Variants in SBNO1 observed in about 807,000 individuals in gnomAD.
SBNO1 encodes the protein protein strawberry notch homolog 1.
Under a neutral mutation model 173.6 loss-of-function variants are expected in SBNO1, and 23 were observed. The observed-to-expected ratio is 0.13, with a 90% CI of 0.10 to 0.19. The LOEUF (loss-of-function observed/expected upper bound fraction) is 0.19, where lower values mean the gene tolerates loss of function less well. Ranked by LOEUF, SBNO1 falls within the 10% of genes least tolerant of loss-of-function variation. The pLI, the probability that SBNO1 is intolerant of heterozygous loss-of-function variation, is 1.00. For synonymous variants in SBNO1, 632 were observed against 571.5 expected, an observed-to-expected ratio of 1.11 and a Z score of -1.51; for missense variants, 1,238 against 1,671.2, an observed-to-expected ratio of 0.74 and a Z score of 4.52.
intron 28 of SBNO1, among the ~76,000 whole-genome samples, chr12:123,306,031 T>C (rs1369914306): frequency 2.0e-5 from 3 of 152,350 alleles, no homozygotes; most frequent in African/African-American, 4.8e-5. Flanking sequence ...ATTCTTATAA[T>C]GAAAAACACA....
At chr12:123,312,697 C>T (rs370821245) in intron 24 of SBNO1, among the ~76,000 whole-genome samples, 3 of 146,618 alleles carry the variant, frequency 2.0e-5, no homozygotes, top group Non-Finnish European at 4.5e-5. Flanking sequence ...GGTGACAGCA[C>T]GAGACCCCGT....
chr12:123,356,602 C>A (rs1187561475), intron 1 of SBNO1, among the ~76,000 whole-genome samples: 1 of 152,154 alleles, frequency 6.6e-6, no homozygotes, highest in Admixed American at 6.6e-5. Flanking sequence ...CCCCCACACC[C>A]AGCTAATTTT....
intron 16 of SBNO1, among the ~76,000 whole-genome samples, chr12:123,322,172 G>A (rs1870055517): frequency 6.6e-6 from 1 of 152,140 alleles, no homozygotes; most frequent in South Asian, 2.1e-4. Context: ...CCTCACTGTT[G>A]CCCAGGCTGG....
intron 1 of SBNO1, among the ~76,000 whole-genome samples, chr12:123,358,836 A>G (rs1231727233): frequency 2.6e-5 from 4 of 151,892 alleles, no homozygotes; most frequent in Non-Finnish European, 5.9e-5. Context: ...GTCTGACACC[A>G]CATCACTCCA....
At chr12:123,314,011 G>A (rs986107200) in intron 23 of SBNO1, among the ~76,000 whole-genome samples, 2 of 151,846 alleles carry the variant, frequency 1.3e-5, no homozygotes, top group Non-Finnish European at 2.9e-5. Flanking sequence ...TTGAACCTAG[G>A]AGGCGGAGGT....
In SBNO1 at chr12:123,321,737, C is replaced by T. The variant is rs1869995525; in HGVS notation, c.2126-5G>A. The T allele has an allele frequency of 1.2e-6, 2 of 1,613,376 alleles. No homozygotes were observed. The highest frequency in any genetic ancestry group is 1.3e-5 in the African/African-American group (1 of 74,952). Reference sequence around the variant, plus strand: ...CTTCTCGAGTTATTTCTTCACCTACCCTCCGCCACAAACAAGAGAGTCAGC... The same window carrying T: ...CTTCTCGAGTTATTTCTTCACCTACTCTCCGCCACAAACAAGAGAGTCAGC... On this transcript the variant is annotated splice_polypyrimidine_tract_variant and splice_region_variant and intron_variant, in intron 16 of 31. Coordinates refer to ENST00000602398, the MANE Select transcript of SBNO1 (RefSeq NM_001167856.3).
At position 123,298,069 on chromosome 12, in the gene SBNO1, T is replaced by G; in HGVS notation, c.3948A>C (p.Thr1316=). ...VLCGSVLSVW[T]KVEGVLASVS... is the part of the protein sequence containing the mutation. ...CAGATGCTAGAACACCCTCAACTTT[T>G]GTCCAGACACTCAGCACTGAACCAC... The change falls in exon 31 of 32, where the codon ACA becomes ACC. Residue 1316 remains threonine (T), a synonymous_variant. Transcript: ENST00000602398. 1 of 1,613,806 alleles carries G rather than the reference T, an allele frequency of 6.2e-7. No individual in the cohort carries two copies. Among genetic ancestry groups the G allele is most frequent in the Non-Finnish European group, 8.5e-7 (1 of 1,179,930 alleles).
chr12:123,304,456 G>A (rs760432032), intron 29 of SBNO1, 126 bp downstream of exon 29: 77 of 670,282 alleles, frequency 1.1e-4, no homozygotes, highest in Non-Finnish European at 1.8e-4. Context: ...GGCTGGTCTC[G>A]AACTCCTGAC....
chr12:123,298,157 T>C lies in SBNO1; in HGVS notation c.3860A>G (p.Lys1287Arg). 6.2e-7 allele frequency: 1 copy of C among 1,612,998 alleles called. No homozygotes were observed. Among genetic ancestry groups the C allele is most frequent in the Non-Finnish European group, 8.5e-7 (1 of 1,179,754 alleles). Reference protein sequence around the residue: ...CTHAYWRGNCKKASLGLVCEI... With the variant: ...CTHAYWRGNCRKASLGLVCEI... Reference sequence around the variant, plus strand: ...ACAAACTAGCCCCAAGCTTGCTTTTTTGCAATTGCCGCGCCTAAGAAAAAT... The same window carrying C: ...ACAAACTAGCCCCAAGCTTGCTTTTCTGCAATTGCCGCGCCTAAGAAAAAT... Residue 1287 changes from lysine to arginine, a missense_variant, in exon 31 of 32, where the codon AAA (lysine) becomes AGA (arginine). Physicochemically the swap from Lys to Arg is conservative, Grantham distance 26. Coordinates refer to ENST00000602398, the MANE Select transcript of SBNO1 (RefSeq NM_001167856.3).
At chr12:123,304,966 G>A (rs989507726) in intron 28 of SBNO1, among the ~76,000 whole-genome samples, 1 of 152,176 alleles carries the variant, frequency 6.6e-6, no homozygotes, top group African/African-American at 2.4e-5. Flanking sequence ...AGAAAACTAC[G>A]TGGAATTAGC....
chr12:123,316,517 C>A (rs896085268), intron 21 of SBNO1, among the ~76,000 whole-genome samples: 1 of 151,974 alleles, frequency 6.6e-6, no homozygotes, highest in African/African-American at 2.4e-5. Context: ...AGCCGCTGCG[C>A]CCAGCCTGTT....
At chr12:123,325,797 T>C (rs1211667535) in intron 14 of SBNO1, among the ~76,000 whole-genome samples, 198 bp from the exon 15 acceptor site, 2 of 152,178 alleles carry the variant, frequency 1.3e-5, no homozygotes, top group East Asian at 3.8e-4. Flanking sequence ...GAGATAGGAT[T>C]ACAGACAGTA....
chr12:123,353,419 T>C (rs1593415558), intron 1 of SBNO1, among the ~76,000 whole-genome samples: 2 of 152,294 alleles, frequency 1.3e-5, no homozygotes, highest in South Asian at 2.1e-4. Context: ...AAGTTGATGT[T>C]GGTAAACTAC....
intron 9 of SBNO1, 129 bp from the exon 10 acceptor site, chr12:123,329,024 CAG>C: frequency 1.8e-6 from 1 of 544,986 alleles, no homozygotes; most frequent in Non-Finnish European, 3.2e-6. Context: ...CATAAAAGTA[CAG>C]AGACGCAAAT....
chr12:123,364,695 A>G lies in SBNO1; in HGVS notation c.-1+6T>C, dbSNP rs960101826. The G allele has an allele frequency of 1.1e-5, 11 of 978,488 alleles. No individual in the cohort carries two copies. The highest frequency in any genetic ancestry group is 1.1e-5 in the Non-Finnish European group (9 of 826,746). 60.6% of individuals were successfully genotyped at this position (978,488 alleles called of 1,614,324 possible). ...GAAGGAGAAAAGGGCCAAGGGAAGG[A>G]CTTACTTTCCCCGCGGGACCCGGCG... On this transcript the variant is annotated splice_donor_region_variant and intron_variant, in intron 1 of 31. Transcript: ENST00000602398.
chr12:123,333,616 C>A (rs1871495639), intron 7 of SBNO1, among the ~76,000 whole-genome samples: 1 of 151,922 alleles, frequency 6.6e-6, no homozygotes, highest in African/African-American at 2.4e-5. Flanking sequence ...CCTACCTCAG[C>A]TTCCCGAGAA....
chr12:123,317,996 C>G (rs1033985964), intron 20 of SBNO1, among the ~76,000 whole-genome samples: 1 of 152,176 alleles, frequency 6.6e-6, no homozygotes, highest in African/African-American at 2.4e-5. Flanking sequence ...GGGTCTCACT[C>G]TGTCACACAA....
intron 1 of SBNO1, chr12:123,364,166 C>T (rs1407296279): frequency 3.5e-5 from 34 of 985,448 alleles, no homozygotes; most frequent in Non-Finnish European, 3.7e-5. Flanking sequence ...AAGAGCGGGG[C>T]ATGTACGAGA....
intron 1 of SBNO1, among the ~76,000 whole-genome samples, chr12:123,358,748 AAAAAAAAAAAAAAAAAAAAG>A (rs1874760214): frequency 1.8e-5 from 2 of 113,028 alleles, no homozygotes; most frequent in African/African-American, 3.1e-5. Flanking sequence ...GTCTCAAAAA[AAAAAAAAAAAAAAAAAAAAG>A]AAGAAGAAAA....
Sources: gnomAD v4.1 joint callset for allele counts (sites outside exome capture counted in the v4.1 genomes callset) on GRCh38, gnomAD v4.1.1 for gene constraint, MANE v1.5 for transcripts, NCBI Gene and HGNC (gene_info 2026-07-23, HGNC 2026-07-21) for gene names.